SVOP: variants seen among roughly 807,000 people sequenced by gnomAD.
SVOP encodes the protein SV2 related protein.
In SVOP, 17 loss-of-function variants were observed where a neutral mutation model predicts 69.1. The observed-to-expected ratio is 0.25, with a 90% CI of 0.17 to 0.37. SVOP has a LOEUF of 0.37. Among genes scored for constraint, SVOP ranks in the 10% least tolerant of loss-of-function variants. The probability of loss-of-function intolerance (pLI) is 1.00; values close to 1 mark genes in which losing one functional copy is unlikely to be tolerated. For missense variants in SVOP, 435 were observed against 597.5 expected, an observed-to-expected ratio of 0.73 and a Z score of 2.84; for synonymous variants, 238 against 238.6, an observed-to-expected ratio of 1.00 and a Z score of 0.02.
chr12:108,949,783 G>A (rs2039944644), intron 6 of SVOP, among the ~76,000 whole-genome samples: 1 of 151,006 alleles, frequency 6.6e-6, no homozygotes, highest in Non-Finnish European at 1.5e-5. Context: ...ACGCATGCCA[G>A]TCCACCTTCT....
At chr12:108,968,888 G>A (rs1313110069) in intron 5 of SVOP, among the ~76,000 whole-genome samples, 1 of 151,988 alleles carries the variant, frequency 6.6e-6, no homozygotes, top group Non-Finnish European at 1.5e-5. Context: ...CCCCATCCTG[G>A]GTTCAAGCAA....
At chr12:108,957,224 C>T (rs530813996) in intron 6 of SVOP, among the ~76,000 whole-genome samples, 48 of 152,240 alleles carry the variant, frequency 3.2e-4, no homozygotes, top group Middle Eastern at 3.4e-3. Flanking sequence ...ATAGCAGTGG[C>T]GCGCTCTCAG....
intron 10 of SVOP, chr12:108,936,983 G>T (rs2039860285): frequency 5.0e-6 from 2 of 401,388 alleles, no homozygotes; most frequent in Non-Finnish European, 9.2e-6. Context: ...GATTGCTTGA[G>T]TTCAGGAGTT....
intron 10 of SVOP, 98 bp downstream of exon 10, chr12:108,937,166 T>G: frequency 7.9e-7 from 1 of 1,261,184 alleles, no homozygotes; most frequent in Non-Finnish European, 1.2e-6. Flanking sequence ...AAACGCTGCC[T>G]GAAATCAAAG....
Position 108,940,817 on chromosome 12 carries a change from A to T in SVOP, c.735T>A (p.Ala245=), listed in dbSNP as rs1427607107. Residue 245 remains alanine (A), a synonymous_variant, in exon 8 of 16, where the codon GCT becomes GCA. Transcript: ENST00000610966. ...LGWRWLLILS[A]VPLLLFAVLC... ...GCACGGCAAAGAGGAGGAGCGGGAC[A>T]GCTGAGAGGATGAGCAGCCAACGCC... 3.9e-6 allele frequency: 6 copies of T among 1,537,134 alleles called. No homozygotes were observed. In the African/African-American group the frequency reaches 8.2e-5, roughly 21 times the overall value.
chr12:108,989,966 A>C (rs2040190371), intron 1 of SVOP, among the ~76,000 whole-genome samples: 1 of 152,240 alleles, frequency 6.6e-6, no homozygotes, highest in East Asian at 1.9e-4. Context: ...CTTATGAATT[A>C]GGTACAGTTA....
chr12:109,007,970 G>T (rs1405297720), intron 1 of SVOP, among the ~76,000 whole-genome samples: 2 of 151,680 alleles, frequency 1.3e-5, no homozygotes, highest in African/African-American at 4.8e-5. Flanking sequence ...CCCAAGAGGT[G>T]AAGACTGCAG....
chr12:108,922,940 G>T, intron 11 of SVOP, 143 bp from the exon 12 acceptor site: 1 of 631,974 alleles, frequency 1.6e-6, no homozygotes, highest in Non-Finnish European at 2.8e-6. Flanking sequence ...ACAGATTCAT[G>T]TTTGAACACC....
intron 10 of SVOP, among the ~76,000 whole-genome samples, chr12:108,936,360 T>C (rs965519403): frequency 3.9e-5 from 6 of 152,224 alleles, no homozygotes; most frequent in Non-Finnish European, 5.9e-5. Context: ...GCAGAAATAT[T>C]TAATCGTATT....
intron 5 of SVOP, among the ~76,000 whole-genome samples, chr12:108,966,492 G>T (rs1204662555): frequency 6.6e-6 from 1 of 151,958 alleles, no homozygotes; most frequent in Non-Finnish European, 1.5e-5. Context: ...TTATAGCTGG[G>T]CCAGGGCAGA....
intron 1 of SVOP, among the ~76,000 whole-genome samples, chr12:109,015,575 G>A (rs2040363395): frequency 1.3e-5 from 2 of 152,172 alleles, no homozygotes; most frequent in South Asian, 4.1e-4. Flanking sequence ...ATTTTGCGGG[G>A]CCAAGGCGGG....
At chr12:109,010,975 C>T (rs2040338256) in intron 1 of SVOP, among the ~76,000 whole-genome samples, 1 of 151,980 alleles carries the variant, frequency 6.6e-6, no homozygotes, top group African/African-American at 2.4e-5. Flanking sequence ...GTGCAAGTGG[C>T]GTGATCTCAG....
chr12:109,015,835 G>A (rs776621177), intron 1 of SVOP, among the ~76,000 whole-genome samples: 111 of 152,162 alleles, frequency 7.3e-4, no homozygotes, highest in Non-Finnish European at 1.4e-3. Context: ...GGAGGAAGAG[G>A]GGAGTCTAAC....
chr12:109,015,968 A>G (rs1259749122), intron 1 of SVOP, among the ~76,000 whole-genome samples: 1 of 152,176 alleles, frequency 6.6e-6, no homozygotes, highest in Non-Finnish European at 1.5e-5. Context: ...GTGCTCTCAC[A>G]CCACACCAGA....
intron 9 of SVOP, among the ~76,000 whole-genome samples, chr12:108,937,888 T>C (rs1187191702): frequency 2.6e-5 from 4 of 152,228 alleles, no homozygotes; most frequent in African/African-American, 2.4e-5. Context: ...GGTGTGGTGG[T>C]TCGTGCCTGT....
chr12:108,993,238 C>G (rs2040212435), intron 1 of SVOP, among the ~76,000 whole-genome samples: 1 of 151,948 alleles, frequency 6.6e-6, no homozygotes, highest in South Asian at 2.1e-4. Context: ...AAACTCCTGA[C>G]CTCAGATGAT....
At chr12:108,946,559 T>C (rs1421027444) in intron 6 of SVOP, among the ~76,000 whole-genome samples, 2 of 151,948 alleles carry the variant, frequency 1.3e-5, no homozygotes, top group South Asian at 2.1e-4. Flanking sequence ...TCGAAGCCTG[T>C]TACTATTTTG....
chr12:108,928,553 C>T (rs921431387), intron 11 of SVOP, among the ~76,000 whole-genome samples: 18 of 146,932 alleles, frequency 1.2e-4, no homozygotes, highest in African/African-American at 3.4e-4. Flanking sequence ...TCATAAAACC[C>T]AGACGGATTT....
chr12:108,950,147 T>C (rs941618312), intron 6 of SVOP, among the ~76,000 whole-genome samples: 16 of 152,256 alleles, frequency 1.1e-4, no homozygotes, highest in Non-Finnish European at 2.1e-4. Context: ...CACTGCAGCC[T>C]TGAGCTCCTG....
Sources: gnomAD v4.1 joint callset for allele counts (sites outside exome capture counted in the v4.1 genomes callset) on GRCh38, gnomAD v4.1.1 for gene constraint, MANE v1.5 for transcripts, NCBI Gene and HGNC (gene_info 2026-07-23, HGNC 2026-07-21) for gene names.